TGM4: variants seen among roughly 807,000 people sequenced by gnomAD.
TGM4 encodes protein-glutamine gamma-glutamyltransferase 4.
A neutral mutation model predicts 76.3 loss-of-function variants in TGM4; 61 were observed. The ratio of observed to expected loss-of-function variants is 0.80; its 90% CI spans 0.65 to 0.99. The LOEUF is 0.99. Among genes scored for constraint, TGM4 ranks in the 50% least tolerant of loss-of-function variants. TGM4 has a pLI of 0.00. For missense variants in TGM4, 794 were observed against 843.2 expected (o/e 0.94, Z 0.72); for synonymous variants, 337 against 329.8 (o/e 1.02, Z -0.24).
intron 1 of TGM4, among the ~76,000 whole-genome samples, chr3:44,881,410 T>C (rs911579461): frequency 1.3e-5 from 2 of 152,212 alleles, no homozygotes; most frequent in African/African-American, 2.4e-5. Flanking sequence ...ACTCAGGTAA[T>C]TTATAAAGAA....
In TGM4 at chr3:44,887,811, G is replaced by T; in HGVS notation, c.300+16G>T. The T allele has an allele frequency of 6.2e-7, 1 of 1,611,478 alleles. No individual in the cohort carries two copies. The highest frequency in any genetic ancestry group is 2.2e-5 in the East Asian group (1 of 44,858). On this transcript the variant is annotated intron_variant, in intron 3 of 13. Coordinates refer to ENST00000296125, the MANE Select transcript of TGM4 (RefSeq NM_003241.4). ...TGGCAAAGAGGTGAGCACCCACTGG[G>T]CTGGCGGGTGGGCTGGCTGGCTTCT...
chr3:44,891,383 AATG>A (rs1373138143), intron 4 of TGM4, among the ~76,000 whole-genome samples: 1 of 151,690 alleles, frequency 6.6e-6, no homozygotes, highest in Non-Finnish European at 1.5e-5. Flanking sequence ...TGTATTTGGA[AATG>A]ATTTTGAGCT....
At chr3:44,902,731 C>T (rs1398988899) in intron 8 of TGM4, among the ~76,000 whole-genome samples, 1 of 152,166 alleles carries the variant, frequency 6.6e-6, no homozygotes, top group Non-Finnish European at 1.5e-5. Context: ...CTGATATATA[C>T]CACTGTTTGA....
chr3:44,890,889 CGT>C (rs1488083726), intron 4 of TGM4, among the ~76,000 whole-genome samples, 157 bp downstream of exon 4: 1 of 152,156 alleles, frequency 6.6e-6, no homozygotes, highest in Non-Finnish European at 1.5e-5. Flanking sequence ...ACCAATGGAG[CGT>C]TTTCTTTGTG....
chr3:44,910,907 C>T (rs1699994832), intron 11 of TGM4, 51 bp from the exon 12 acceptor site: 9 of 1,582,668 alleles, frequency 5.7e-6, no homozygotes, highest in African/African-American at 1.3e-5. Flanking sequence ...AGAACTCATA[C>T]TGGGGGGGTA....
At chr3:44,881,386 A>C (rs987157652) in intron 1 of TGM4, among the ~76,000 whole-genome samples, 1 of 152,214 alleles carries the variant, frequency 6.6e-6, no homozygotes, top group African/African-American at 2.4e-5. Context: ...GTTGCTTATA[A>C]AAGAATACCT....
intron 4 of TGM4, among the ~76,000 whole-genome samples, chr3:44,891,491 A>AT (rs1169118775): frequency 6.9e-6 from 1 of 145,566 alleles, no homozygotes; most frequent in Non-Finnish European, 1.5e-5. Context: ...TTGCTTAATC[A>AT]TTTTCCCTCC....
intron 8 of TGM4, among the ~76,000 whole-genome samples, chr3:44,902,549 G>A (rs1184064087): frequency 1.3e-5 from 2 of 152,090 alleles, no homozygotes; most frequent in Non-Finnish European, 2.9e-5. Flanking sequence ...GCAGTGAGCC[G>A]AGATCGCACC....
intron 4 of TGM4, among the ~76,000 whole-genome samples, chr3:44,892,640 G>T (rs939764530): frequency 6.6e-6 from 1 of 152,024 alleles, no homozygotes; most frequent in Non-Finnish European, 1.5e-5. Context: ...CAAAGTGCTG[G>T]GATTATAGGC....
At position 44,901,951 on chromosome 3, in the gene TGM4, A is replaced by T. The variant is rs200712666; in HGVS notation, c.971+20A>T. Reference sequence around the variant, plus strand: ...TGTCTGGTAGGGTTCCTCCTTCTCAACCTGCCCTGTCTCCTTCTCCCAGGA... The same window carrying T: ...TGTCTGGTAGGGTTCCTCCTTCTCATCCTGCCCTGTCTCCTTCTCCCAGGA... On this transcript the variant is annotated intron_variant, in intron 8 of 13. Coordinates refer to ENST00000296125, the MANE Select transcript of TGM4 (RefSeq NM_003241.4). 6.2e-7 allele frequency: 1 copy of T among 1,610,598 alleles called. No homozygotes were observed. The highest frequency in any genetic ancestry group is 2.2e-5 in the East Asian group (1 of 44,802).
intron 13 of TGM4, among the ~76,000 whole-genome samples, chr3:44,912,561 C>A (rs991792887): frequency 6.6e-6 from 1 of 151,878 alleles, no homozygotes; most frequent in Non-Finnish European, 1.5e-5. Context: ...TAGGCAAATC[C>A]CCACCCCACC....
chr3:44,876,009 C>T (rs80149453), intron 1 of TGM4, among the ~76,000 whole-genome samples: 3,014 of 152,228 alleles, frequency 0.02, 51 homozygotes, highest in Middle Eastern at 0.065. Context: ...ACATCAATCC[C>T]GTGAAAGCAC....
At chr3:44,912,395 C>CT (rs1700016971) in intron 13 of TGM4, among the ~76,000 whole-genome samples, 1 of 152,086 alleles carries the variant, frequency 6.6e-6, no homozygotes. Context: ...GTAGCACTGC[C>CT]TTTATTATGC....
rs756595260 is a variant in TGM4, at chr3:44,913,822, T to C, written c.*97T>C. 424 of 1,504,348 alleles carry C rather than the reference T, an allele frequency of 2.8e-4. 3 individuals are homozygous for C. In the South Asian group the frequency reaches 3.4e-3, roughly 12 times the overall value. The allele number at this position is 1,504,348 out of a possible 1,614,324, so 93.2% of individuals were successfully genotyped here. A position where few individuals can be genotyped will look rare whatever the true frequency, so the allele number is the denominator to read the frequency against. Reference sequence around the variant, plus strand: ...GGATGATTAAATTTGATGACTTATATGAGGGCAGATTCAAGAGCCAGCAGG... The same window carrying C: ...GGATGATTAAATTTGATGACTTATACGAGGGCAGATTCAAGAGCCAGCAGG... On this transcript the variant is annotated 3_prime_UTR_variant, in exon 14 of 14. Transcript: ENST00000296125.
At position 44,901,871 on chromosome 3, in the gene TGM4, T is replaced by C. The variant is rs1036882568; in HGVS notation, c.911T>C (p.Val304Ala). ...CACGACACAGAAAGGAACCTCACGG[T>C]GGACACCTATGTGAATGAGAATGGC... ...SAHDTERNLT[V>A]DTYVNENGEK... is the part of the protein sequence containing the mutation. The change falls in exon 8 of 14, where the codon GTG (valine) becomes GCG (alanine). Residue 304 changes from valine (V) to alanine (A), a missense_variant. Transcript: ENST00000296125. The C allele has an allele frequency of 1.2e-6, 2 of 1,614,182 alleles. No individual in the cohort carries two copies. The highest frequency in any genetic ancestry group is 8.5e-7 in the Non-Finnish European group (1 of 1,180,010).
chr3:44,913,808 T>C lies in TGM4; in HGVS notation c.*83T>C. 1 of 1,533,422 alleles carries C rather than the reference T, an allele frequency of 6.5e-7. No homozygotes were observed. Among genetic ancestry groups the C allele is most frequent in the South Asian group, 1.3e-5 (1 of 76,308 alleles). 95.0% of individuals were successfully genotyped at this position (1,533,422 alleles called of 1,614,324 possible). A position where few individuals can be genotyped will look rare whatever the true frequency, so the allele number is the denominator to read the frequency against. On this transcript the variant is annotated 3_prime_UTR_variant, in exon 14 of 14. Transcript: ENST00000296125. ...AGCTTTCAGATTATGGATGATTAAATTTGATGACTTATATGAGGGCAGATT... is the reference window on the plus strand; with the variant it reads ...AGCTTTCAGATTATGGATGATTAAACTTGATGACTTATATGAGGGCAGATT...
chr3:44,905,237 C>T (rs908902540), intron 9 of TGM4, among the ~76,000 whole-genome samples: 30 of 151,764 alleles, frequency 2.0e-4, no homozygotes, highest in African/African-American at 5.6e-4. Flanking sequence ...CTGCTTGTCT[C>T]GGCCTCCCAA....
At position 44,904,998 on chromosome 3, in the gene TGM4, T is replaced by C. The variant is rs1222424627; in HGVS notation, c.1075+1011T>C. On this transcript the variant is annotated intron_variant, in intron 9 of 13. Coordinates refer to ENST00000296125, the MANE Select transcript of TGM4 (RefSeq NM_003241.4). The stretch of plus-strand genomic sequence containing the variant: ...TGCCTGGCCTTTATTTATTTATTTA[T>C]TTAGAGATGGAGTTTCACTCTTGTT... Among the ~76,000 whole-genome samples the C allele has an allele frequency of 2.0e-5, 3 of 151,732 alleles. No individual in the cohort carries two copies. In the East Asian group the frequency reaches 5.8e-4, roughly 29 times the overall value.
At chr3:44,901,348 G>A (rs1391683176) in intron 6 of TGM4, among the ~76,000 whole-genome samples, 176 bp from the exon 7 acceptor site, 1 of 152,228 alleles carries the variant, frequency 6.6e-6, no homozygotes, top group Admixed American at 6.5e-5. Flanking sequence ...CACTCAAACA[G>A]CTGGCATGCT....
Sources: gnomAD v4.1 joint callset for allele counts (sites outside exome capture counted in the v4.1 genomes callset) on GRCh38, gnomAD v4.1.1 for gene constraint, MANE v1.5 for transcripts, NCBI Gene and HGNC (gene_info 2026-07-23, HGNC 2026-07-21) for gene names.